ZDHHC6: variants seen among roughly 807,000 people sequenced by gnomAD.
ZDHHC6 encodes zDHHC palmitoyltransferase 6, also known as palmitoyltransferase ZDHHC6.
Under a neutral mutation model 57.8 loss-of-function variants are expected in ZDHHC6, and 32 were observed. The observed-to-expected ratio is 0.55, with a 90% confidence interval of 0.42 to 0.74. The LOEUF is 0.74. Ranked by LOEUF, ZDHHC6 falls within the 30% of genes least tolerant of loss-of-function variation. The probability of loss-of-function intolerance (pLI) is 0.00; values close to 1 mark genes in which losing one functional copy is unlikely to be tolerated. For synonymous variants in ZDHHC6, 128 were observed against 158.0 expected, an observed-to-expected ratio of 0.81 and a Z score of 1.42; for missense variants, 433 against 500.7, an observed-to-expected ratio of 0.86 and a Z score of 1.29.
intron 3 of ZDHHC6, 122 bp from the exon 4 acceptor site, chr10:112,442,473 A>AC: frequency 1.1e-6 from 1 of 888,842 alleles, no homozygotes; most frequent in South Asian, 2.2e-5. Context: ...AGAGAATTAT[A>AC]CTTCATGGAA....
At chr10:112,434,515 G>A in intron 6 of ZDHHC6, 51 bp from the exon 7 acceptor site, 1 of 1,533,276 alleles carries the variant, frequency 6.5e-7, no homozygotes. Context: ...TAAGTGGCCT[G>A]CAGTAATATG....
downstream of ZDHHC6, chr10:112,428,230 T>G (rs1401456951): frequency 5.3e-6 from 2 of 380,088 alleles, no homozygotes; most frequent in African/African-American, 4.1e-5. Context: ...GCAAGCAAGA[T>G]GCCCACACAA....
intron 4 of ZDHHC6, among the ~76,000 whole-genome samples, chr10:112,441,222 TTTG>T (rs750094366): frequency 7.3e-4 from 111 of 152,344 alleles, no homozygotes; most frequent in African/African-American, 2.3e-3. Context: ...AATGTTACTT[TTTG>T]TTGTTGTTGT....
At chr10:112,427,484 T>C, downstream of ZDHHC6, 2 of 874,798 alleles carry the variant, frequency 2.3e-6, no homozygotes, top group Non-Finnish European at 3.3e-6. Flanking sequence ...TCTAAAGCCA[T>C]AGCTTTTGTT....
chr10:112,432,199 T>A (rs774779743), intron 10 of ZDHHC6, 41 bp downstream of exon 10: 1 of 1,559,642 alleles, frequency 6.4e-7, no homozygotes. Flanking sequence ...GAATTATTGC[T>A]AATAGTCTTG....
chr10:112,428,330 G>A (rs900059829), downstream of ZDHHC6: 5 of 397,442 alleles, frequency 1.3e-5, no homozygotes, highest in Non-Finnish European at 1.3e-5. Context: ...AACACATGTT[G>A]TTTCTACTTG....
At chr10:112,440,884 C>T (rs376733919) in intron 4 of ZDHHC6, among the ~76,000 whole-genome samples, 189 bp from the exon 5 acceptor site, 3 of 152,144 alleles carry the variant, frequency 2.0e-5, no homozygotes, top group Admixed American at 6.5e-5. Flanking sequence ...CTCACTCTGT[C>T]GCCCAGGCTG....
chr10:112,426,422 T>C, downstream of ZDHHC6: 2 of 1,389,426 alleles, frequency 1.4e-6, no homozygotes, highest in Non-Finnish European at 2.0e-6. Context: ...AGAGGATGCC[T>C]CACCAGTTCC....
At chr10:112,439,455 A>AC (rs1226094547) in intron 5 of ZDHHC6, among the ~76,000 whole-genome samples, 1 of 151,300 alleles carries the variant, frequency 6.6e-6, no homozygotes, top group Non-Finnish European at 1.5e-5. Flanking sequence ...AGATGGTGAA[A>AC]CCCCGTCTCC....
chr10:112,427,014 G>C (rs184907357), downstream of ZDHHC6, among the ~76,000 whole-genome samples: 1 of 152,046 alleles, frequency 6.6e-6, no homozygotes, highest in African/African-American at 2.4e-5. Context: ...CTTGTACAGC[G>C]CCCTTTTTTT....
chr10:112,444,907 C>T (rs1349231075), intron 2 of ZDHHC6, among the ~76,000 whole-genome samples: 1 of 151,992 alleles, frequency 6.6e-6, no homozygotes, highest in African/African-American at 2.4e-5. Flanking sequence ...GAACCTATCC[C>T]ACCTCCACCC....
At chr10:112,442,379 GA>G (rs1846199143) in intron 3 of ZDHHC6, 28 bp from the exon 4 acceptor site, 9 of 1,592,668 alleles carry the variant, frequency 5.7e-6, no homozygotes, top group Non-Finnish European at 7.7e-6. Flanking sequence ...CATAAAACAT[GA>G]GGCAGAAAAT....
exon 12 of ZDHHC6, chr10:112,425,247 GAGA>G (rs1219055242): frequency 4.2e-5 from 51 of 1,200,856 alleles, no homozygotes; most frequent in Non-Finnish European, 5.7e-5. Flanking sequence ...ATCAGCTTTA[GAGA>G]AGAAAGATGA....
At chr10:112,431,030 C>G (rs1844972585) in intron 10 of ZDHHC6, 123 bp from the exon 11 acceptor site, 2 of 761,370 alleles carry the variant, frequency 2.6e-6, no homozygotes, top group Middle Eastern at 2.4e-4. Context: ...CCCCACTTTG[C>G]TATCTATTAT....
At chr10:112,432,893 T>A (rs61872359) in intron 8 of ZDHHC6, among the ~76,000 whole-genome samples, 47 of 152,322 alleles carry the variant, frequency 3.1e-4, no homozygotes, top group Non-Finnish European at 5.3e-4. Flanking sequence ...ACTGAATTTT[T>A]AAATTGATTT....
chr10:112,447,504 A>C (rs1846913182), upstream of ZDHHC6: 3 of 1,605,856 alleles, frequency 1.9e-6, no homozygotes, highest in Non-Finnish European at 2.6e-6. Context: ...GGTGCTGGGG[A>C]GAGCTGGGAG....
chr10:112,427,373 G>A (rs760800944), downstream of ZDHHC6: 3 of 1,604,594 alleles, frequency 1.9e-6, no homozygotes, highest in Non-Finnish European at 2.6e-6. Context: ...AGGTACTTAA[G>A]TACCTGCCGG....
intron 6 of ZDHHC6, among the ~76,000 whole-genome samples, chr10:112,436,575 T>C (rs1281836185): frequency 6.6e-6 from 1 of 152,390 alleles, no homozygotes; most frequent in East Asian, 1.9e-4. Flanking sequence ...GCATGCTTTA[T>C]AGATCACTTT....
At chr10:112,438,810 T>C (rs931037256) in intron 5 of ZDHHC6, among the ~76,000 whole-genome samples, 1 of 152,218 alleles carries the variant, frequency 6.6e-6, no homozygotes, top group Non-Finnish European at 1.5e-5. Flanking sequence ...TAACAGTGAC[T>C]CATTTCAGTC....
Sources: gnomAD v4.1 joint callset for allele counts (sites outside exome capture counted in the v4.1 genomes callset) on GRCh38, gnomAD v4.1.1 for gene constraint, MANE v1.5 for transcripts, NCBI Gene and HGNC (gene_info 2026-07-23, HGNC 2026-07-21) for gene names.